The following KIF5A variants were observed in gnomAD, a reference collection of about 807,000 sequenced individuals.
KIF5A encodes kinesin family member 5A.
KIF5A carries 35 observed loss-of-function variants against 141.3 expected under a neutral mutation model. The observed-to-expected ratio is 0.25, with a 90% confidence interval of 0.19 to 0.33. The LOEUF is 0.33. Ranked by LOEUF, KIF5A falls within the 10% of genes least tolerant of loss-of-function variation. The probability of loss-of-function intolerance (pLI) is 1.00; values close to 1 mark genes in which losing one functional copy is unlikely to be tolerated. For missense variants in KIF5A, 861 were observed against 1,314.3 expected (o/e 0.66, Z 5.33); for synonymous variants, 448 against 500.2 (o/e 0.90, Z 1.39).
At chr12:57,583,034 G>C in intron 27 of KIF5A, 67 bp from the exon 28 acceptor site, 1 of 1,290,746 alleles carries the variant, frequency 7.7e-7, no homozygotes, top group East Asian at 2.4e-5. Context: ...TCTCAGAGCA[G>C]AGTAACCATG....
chr12:57,575,706 G>A lies in KIF5A; in HGVS notation c.1972G>A (p.Glu658Lys), dbSNP rs1427243293. 3 of 1,614,094 alleles carry A rather than the reference G, an allele frequency of 1.9e-6. No individual in the cohort carries two copies. ...CGTGGAGCTAAAGAAGCGGCACCTG[G>A]AAGAGTCCTATGACTCCTTGAGCGA... ...QSVELKKRHL[E>K]ESYDSLSDEL... The change falls in exon 17 of 29, where the codon GAA (glutamate) becomes AAA (lysine). Residue 658 changes from glutamate to lysine, a missense_variant. Physicochemically the swap from Glu to Lys is moderately conservative, Grantham distance 56. This residue lies in a region of KIF5A where 482 missense variants were observed against 661.3 expected (regional missense o/e 0.73). Coordinates refer to ENST00000455537, the MANE Select transcript of KIF5A (RefSeq NM_004984.4).
chr12:57,569,691 A>T lies in KIF5A; in HGVS notation c.1117+8A>T. 1 of 1,613,282 alleles carries T rather than the reference A, an allele frequency of 6.2e-7. No homozygotes were observed. The highest frequency in any genetic ancestry group is 8.5e-7 in the Non-Finnish European group (1 of 1,179,910). On this transcript the variant is annotated splice_region_variant and intron_variant, in intron 11 of 28. Coordinates refer to ENST00000455537, the MANE Select transcript of KIF5A (RefSeq NM_004984.4). ...TGAGCCGGTGGCGCAATGGTTAGAG[A>T]GGGATAGGTGGGAGTGAGGGGCAGT...
intron 5 of KIF5A, among the ~76,000 whole-genome samples, 155 bp from the exon 6 acceptor site, chr12:57,564,762 AG>A (rs1317218210): frequency 6.6e-6 from 1 of 152,232 alleles, no homozygotes. Flanking sequence ...GAGAAGGAGG[AG>A]GAACTGAGCC....
At chr12:57,583,780 T>C (rs1226345969) in intron 28 of KIF5A, among the ~76,000 whole-genome samples, 1 of 152,098 alleles carries the variant, frequency 6.6e-6, no homozygotes, top group Non-Finnish European at 1.5e-5. Flanking sequence ...TCAGTGGAGG[T>C]GGCAAAGCCC....
chr12:57,582,533 A>G, intron 26 of KIF5A, 69 bp from the exon 27 acceptor site: 1 of 1,282,518 alleles, frequency 7.8e-7, no homozygotes, highest in Non-Finnish European at 1.1e-6. Flanking sequence ...GGTTTGCGCA[A>G]ACTGTTTCTA....
In KIF5A at chr12:57,569,658, G is replaced by A; in HGVS notation, c.1092G>A (p.Glu364=). The A allele has an allele frequency of 1.9e-6, 3 of 1,614,022 alleles. No individual in the cohort carries two copies. Among genetic ancestry groups the A allele is most frequent in the Non-Finnish European group, 2.5e-6 (3 of 1,180,042 alleles). ...AGAAGGAGACGATTGCGAAGCTGGA[G>A]GCTGAGCTGAGCCGGTGGCGCAATG... ...KAQKETIAKL[E]AELSRWRNGE... Residue 364 remains glutamate, a synonymous_variant, in exon 11 of 29, where the codon GAG becomes GAA. Coordinates refer to ENST00000455537, the MANE Select transcript of KIF5A (RefSeq NM_004984.4).
chr12:57,572,818 G>C lies in KIF5A; in HGVS notation c.1716+92G>C. 1 of 1,474,494 alleles carries C rather than the reference G, an allele frequency of 6.8e-7. No individual in the cohort carries two copies. The highest frequency in any genetic ancestry group is 9.5e-7 in the Non-Finnish European group (1 of 1,053,690). The allele number at this position is 1,474,494 out of a possible 1,614,324, so 91.3% of individuals were successfully genotyped here. A position where few individuals can be genotyped will look rare whatever the true frequency, so the allele number is the denominator to read the frequency against. ...CAGGCCTTCACAGATACTGAGAAAG[G>C]CAGCCAGAGAGCCAGGAAACATGCC... is the stretch of plus-strand genomic sequence containing the variant. On this transcript the variant is annotated intron_variant, in intron 15 of 28. Transcript: ENST00000455537. This position sits in a 1 kb window ranked among gnomAD's most constrained non-coding sequence, Gnocchi z 4.2.
chr12:57,570,424 G>A (rs1480617444), intron 12 of KIF5A, among the ~76,000 whole-genome samples: 7 of 152,080 alleles, frequency 4.6e-5, no homozygotes, highest in Admixed American at 3.3e-4. Flanking sequence ...TTTGAGACAG[G>A]GTCTTGCTGT....
Position 57,569,692 on chromosome 12 carries a change from G to C in KIF5A, c.1117+9G>C, listed in dbSNP as rs756055920. ...GAGCCGGTGGCGCAATGGTTAGAGA[G>C]GGATAGGTGGGAGTGAGGGGCAGTG... is the stretch of plus-strand genomic sequence containing the variant. On this transcript the variant is annotated intron_variant, in intron 11 of 28. Transcript: ENST00000455537. 6.2e-7 allele frequency: 1 copy of C among 1,612,982 alleles called. No homozygotes were observed. The highest frequency in any genetic ancestry group is 8.5e-7 in the Non-Finnish European group (1 of 1,179,762).
intron 1 of KIF5A, among the ~76,000 whole-genome samples, chr12:57,554,611 G>A (rs1881676992): frequency 6.6e-6 from 1 of 152,150 alleles, no homozygotes; most frequent in South Asian, 2.1e-4. Context: ...TGCTATAAAG[G>A]AATACCCCAG....
chr12:57,553,243 GAAACACATAC>G (rs1277510370), intron 1 of KIF5A, among the ~76,000 whole-genome samples: 1 of 151,766 alleles, frequency 6.6e-6, no homozygotes, highest in East Asian at 1.9e-4. Flanking sequence ...TGACAGTGAA[GAAACACATAC>G]ATACACACAC....
chr12:57,570,208 G>A lies in KIF5A; in HGVS notation c.1293+46G>A, dbSNP rs564329561. Reference sequence around the variant, plus strand: ...CACTGAGGCACGCCAGGTGGGATGAGAGGTAGACGATCAAAGAAAATCGCT... The same window carrying A: ...CACTGAGGCACGCCAGGTGGGATGAAAGGTAGACGATCAAAGAAAATCGCT... On this transcript the variant is annotated intron_variant, in intron 12 of 28. Transcript: ENST00000455537. The A allele has an allele frequency of 1.9e-6, 3 of 1,582,044 alleles. No homozygotes were observed. In the East Asian group the frequency reaches 6.8e-5, roughly 36 times the overall value.
At position 57,567,093 on chromosome 12, in the gene KIF5A, G is replaced by C. The variant is rs750179537; in HGVS notation, c.502-33G>C. The stretch of plus-strand genomic sequence containing the variant: ...AATAAATACAAACTTAAAAAACAAA[G>C]CTTATGGGTCACTGTCCATTTGTCC... On this transcript the variant is annotated intron_variant, in intron 6 of 28. Coordinates refer to ENST00000455537, the MANE Select transcript of KIF5A (RefSeq NM_004984.4). The C allele has an allele frequency of 3.7e-6, 5 of 1,339,288 alleles. No individual in the cohort carries two copies. In the African/African-American group the frequency reaches 7.2e-5, roughly 19 times the overall value. 83.0% of individuals were successfully genotyped at this position (1,339,288 alleles called of 1,614,324 possible).
intron 1 of KIF5A, among the ~76,000 whole-genome samples, chr12:57,557,786 G>T (rs1881790725): frequency 6.6e-6 from 1 of 151,650 alleles, no homozygotes; most frequent in Admixed American, 6.6e-5. Context: ...CTGCCTCCCG[G>T]GTTCAAGCAA....
chr12:57,574,433 T>G (rs1328566237), intron 15 of KIF5A, among the ~76,000 whole-genome samples: 2 of 151,502 alleles, frequency 1.3e-5, no homozygotes, highest in African/African-American at 2.4e-5. Context: ...CCACCTCTCC[T>G]GGCTAATTTT....
In KIF5A at chr12:57,585,333, A is replaced by T. The variant is rs1005596524; in HGVS notation, c.*1152A>T. ...AAAGAGTTCCTTCTCTAATGTCCCC[A>T]TCTGGTATTAAGTGCACTTTAAAGA... is the stretch of plus-strand genomic sequence containing the variant. On this transcript the variant is annotated 3_prime_UTR_variant, in exon 29 of 29. Transcript: ENST00000455537. 1 of 153,732 alleles carries T rather than the reference A, an allele frequency of 6.5e-6. No homozygotes were observed. Among genetic ancestry groups the T allele is most frequent in the Non-Finnish European group, 1.5e-5 (1 of 68,092 alleles). 9.5% of individuals were successfully genotyped at this position (153,732 alleles called of 1,614,324 possible).
chr12:57,575,585 C>T (rs1882395993), intron 16 of KIF5A, 55 bp from the exon 17 acceptor site: 1 of 1,420,696 alleles, frequency 7.0e-7, no homozygotes, highest in Non-Finnish European at 1.0e-6. Context: ...TCTGTGTGGC[C>T]TGGGTTTGTG....
At chr12:57,552,727 G>C (rs11172247) in intron 1 of KIF5A, among the ~76,000 whole-genome samples, 81,777 of 152,002 alleles carry the variant, frequency 0.54, 22,661 homozygotes, top group Middle Eastern at 0.69. Context: ...ACCAGGTCGG[G>C]AGCTGGCTTA....
chr12:57,551,740 C>T (rs533167447), intron 1 of KIF5A, among the ~76,000 whole-genome samples: 64 of 152,278 alleles, frequency 4.2e-4, no homozygotes, highest in African/African-American at 1.4e-3. Flanking sequence ...AAGCCTGGGC[C>T]TTCTGAGTCA....
Sources: gnomAD v4.1 joint callset for allele counts (sites outside exome capture counted in the v4.1 genomes callset) on GRCh38, gnomAD v4.1.1 for gene constraint, gnomAD v4.1.1 regional missense constraint, Gnocchi (gnomAD v3.1) non-coding constraint, MANE v1.5 for transcripts, NCBI Gene and HGNC (gene_info 2026-07-23, HGNC 2026-07-21) for gene names.